Variants in ST13 observed in about 807,000 individuals in gnomAD.
The protein encoded by ST13 is ST13 Hsp70 interacting protein.
In ST13, 23 loss-of-function variants were observed where a neutral mutation model predicts 56.7. The ratio of observed to expected loss-of-function variants is 0.41; its 90% CI spans 0.29 to 0.57. ST13 has a LOEUF of 0.57. Ranked by LOEUF, ST13 falls within the 20% of genes least tolerant of loss-of-function variation. The pLI is 0.36. For missense variants in ST13, 369 were observed against 459.9 expected, an observed-to-expected ratio of 0.80 and a Z score of 1.81; for synonymous variants, 132 against 142.4, an observed-to-expected ratio of 0.93 and a Z score of 0.52.
At chr22:40,831,417 G>C (rs992115895) in intron 8 of ST13, among the ~76,000 whole-genome samples, 1 of 152,068 alleles carries the variant, frequency 6.6e-6, no homozygotes, top group Non-Finnish European at 1.5e-5. Flanking sequence ...AAATGGGAGA[G>C]GAAGAAATAT....
At chr22:40,849,710 G>C (rs1294721784) in intron 2 of ST13, among the ~76,000 whole-genome samples, 1 of 151,698 alleles carries the variant, frequency 6.6e-6, no homozygotes, top group Non-Finnish European at 1.5e-5. Flanking sequence ...AAAATATCTA[G>C]GGCTCAGAAA....
At position 40,824,956 on chromosome 22, in the gene ST13, A is replaced by C. The variant is rs1033722642; in HGVS notation, c.*1582T>G. On this transcript the variant is annotated 3_prime_UTR_variant, in exon 12 of 12. Coordinates refer to ENST00000216218, the MANE Select transcript of ST13 (RefSeq NM_003932.5). ...ATGTGGTATTTTAGAAATGTACTCC[A>C]TAGAATTTACTTCACTGCTCCTACC... is the stretch of plus-strand genomic sequence containing the variant. The C allele has an allele frequency of 6.6e-6, 1 of 152,192 alleles. No individual in the cohort carries two copies. The highest frequency in any genetic ancestry group is 1.5e-5 in the Non-Finnish European group (1 of 68,036). 9.4% of individuals were successfully genotyped at this position (152,192 alleles called of 1,614,324 possible).
Position 40,856,458 on chromosome 22 carries a change from A to G in ST13, c.83T>C (p.Met28Thr), listed in dbSNP as rs1446495429. 6.2e-7 allele frequency: 1 copy of G among 1,613,490 alleles called. No homozygotes were observed. ...QDPSVLHTEE[M>T]RFLREWVESM... ...CTCCACCCACTCCCTCAGGAAGCGC[A>G]TTTCCTCGGTGTGCAGAACGCTCGG... is the stretch of plus-strand genomic sequence containing the variant. Residue 28 changes from methionine (M) to threonine (T), a missense_variant, in exon 1 of 12, where the codon ATG becomes ACG. By Grantham distance (81) the Met-to-Thr change is moderately conservative (BLOSUM62 -1). Transcript: ENST00000216218.
chr22:40,841,817 T>G (rs1041559924), intron 4 of ST13, among the ~76,000 whole-genome samples: 2 of 151,876 alleles, frequency 1.3e-5, no homozygotes, highest in Non-Finnish European at 2.9e-5. Context: ...GGTCTAGAAC[T>G]CTTGGACTCA....
At chr22:40,839,876 C>T (rs919908293) in intron 5 of ST13, among the ~76,000 whole-genome samples, 1 of 151,888 alleles carries the variant, frequency 6.6e-6, no homozygotes, top group Non-Finnish European at 1.5e-5. Context: ...AGAGGCTGGG[C>T]GCAGTGGTTC....
chr22:40,840,569 A>G, intron 5 of ST13, 57 bp downstream of exon 5: 1 of 1,471,232 alleles, frequency 6.8e-7, no homozygotes, highest in South Asian at 1.2e-5. Context: ...ACCACTATTT[A>G]AGTTACTGCA....
chr22:40,853,434 A>G (rs1185637015), intron 1 of ST13, among the ~76,000 whole-genome samples: 1 of 152,216 alleles, frequency 6.6e-6, no homozygotes, highest in African/African-American at 2.4e-5. Flanking sequence ...CTAATGGAAG[A>G]AAACACCAAC....
chr22:40,830,878 C>T lies in ST13; in HGVS notation c.760G>A (p.Val254Ile). The change falls in exon 9 of 12, where the codon GTT becomes ATT. Residue 254 changes from valine (V) to isoleucine (I), a missense_variant. Val to Ile is a conservative substitution (Grantham distance 29, BLOSUM62 3). This residue lies in a region of ST13 where 136 missense variants were observed against 159.2 expected (regional missense o/e 0.85). Transcript: ENST00000216218. ...EREIKERIER[V>I]KKAREEHERA... ...TCATGCTCTTCTCGAGCCTTCTTAA[C>T]TCGTTCTATTCTTTCTTTGATCTCT... 6.2e-7 allele frequency: 1 copy of T among 1,608,152 alleles called. No individual in the cohort carries two copies. The highest frequency in any genetic ancestry group is 1.1e-5 in the South Asian group (1 of 90,708).
chr22:40,854,259 C>T (rs1320039236), intron 1 of ST13, among the ~76,000 whole-genome samples: 1 of 152,166 alleles, frequency 6.6e-6, no homozygotes, highest in Non-Finnish European at 1.5e-5. Context: ...GAGAGAGAAA[C>T]TGACACAAAC....
chr22:40,844,994 TGAC>T (rs1340389300), intron 3 of ST13, 85 bp from the exon 4 acceptor site: 5 of 837,110 alleles, frequency 6.0e-6, no homozygotes, highest in Non-Finnish European at 9.3e-6. Flanking sequence ...TGACATACTA[TGAC>T]TACTACAATT....
chr22:40,827,136 T>C lies in ST13; in HGVS notation c.941A>G (p.Asn314Ser), dbSNP rs532258968. 18 of 1,612,300 alleles carry C rather than the reference T, an allele frequency of 1.1e-5. No individual in the cohort carries two copies. Among genetic ancestry groups the C allele is most frequent in the South Asian group, 1.1e-4 (10 of 91,010 alleles). The change falls in exon 11 of 12, where the codon AAT (asparagine) becomes AGT (serine). Residue 314 changes from asparagine to serine, a missense_variant. Asn to Ser is a conservative substitution (Grantham distance 46). Coordinates refer to ENST00000216218, the MANE Select transcript of ST13 (RefSeq NM_003932.5). Reference sequence around the variant, plus strand: ...AACCTCTGGATCACTAAGAATTTCATTGAGTCCAGGCATTCCAGCCATTCC... The same window carrying C: ...AACCTCTGGATCACTAAGAATTTCACTGAGTCCAGGCATTCCAGCCATTCC... ...MPGMAGMPGL[N>S]EILSDPEVLA...
intron 1 of ST13, among the ~76,000 whole-genome samples, chr22:40,856,204 T>C (rs966560467): frequency 6.6e-6 from 1 of 152,180 alleles, no homozygotes; most frequent in Non-Finnish European, 1.5e-5. Flanking sequence ...GATACACCCC[T>C]GGGCAACCTC....
At chr22:40,835,762 AATT>A in intron 6 of ST13, 38 bp downstream of exon 6, 6 of 1,604,580 alleles carry the variant, frequency 3.7e-6, no homozygotes, top group Non-Finnish European at 5.1e-6. Context: ...AATGTGCAGA[AATT>A]ATTTGCCAGG....
chr22:40,845,855 GCAA>G (rs1234210602), intron 3 of ST13, among the ~76,000 whole-genome samples: 7 of 151,854 alleles, frequency 4.6e-5, no homozygotes, highest in Admixed American at 2.6e-4. Flanking sequence ...TTACTGTCCA[GCAA>G]CAACAAAACT....
At chr22:40,844,777 T>C in intron 4 of ST13, 62 bp downstream of exon 4, 6 of 1,357,692 alleles carry the variant, frequency 4.4e-6, no homozygotes, top group East Asian at 2.4e-5. Flanking sequence ...CATAAAATCA[T>C]TGCAACAGCA....
rs1182289284 is a variant in ST13, at chr22:40,854,637, T to C, written c.110+1794A>G. ...TTAATTTGTTCTTCTGTGTCTCCTC[T>C]TCCTCACTAGTAAGAATGAAACAAA... On this transcript the variant is annotated intron_variant, in intron 1 of 11. Transcript: ENST00000216218. 3 of 152,224 alleles carry C rather than the reference T, an allele frequency of 2.0e-5. No homozygotes were observed. In the East Asian group the frequency reaches 5.8e-4, roughly 29 times the overall value. The allele number at this position is 152,224 out of a possible 1,614,324, so 9.4% of individuals were successfully genotyped here. A position where few individuals can be genotyped will look rare whatever the true frequency, so the allele number is the denominator to read the frequency against.
chr22:40,827,819 A>G (rs542806458), intron 10 of ST13, among the ~76,000 whole-genome samples: 14 of 152,060 alleles, frequency 9.2e-5, no homozygotes, highest in Non-Finnish European at 1.6e-4. Context: ...TTTTCTAGTA[A>G]TAACACTGTT....
chr22:40,834,048 G>A (rs954263099), intron 7 of ST13, among the ~76,000 whole-genome samples: 1 of 152,098 alleles, frequency 6.6e-6, no homozygotes, highest in Non-Finnish European at 1.5e-5. Context: ...AGGGGAAGGA[G>A]GGCAGATCAC....
intron 5 of ST13, among the ~76,000 whole-genome samples, chr22:40,837,368 C>G (rs948236320): frequency 6.6e-6 from 1 of 152,152 alleles, no homozygotes; most frequent in African/African-American, 2.4e-5. Context: ...GTAATCTCAG[C>G]ACTTTGGGAG....
Sources: gnomAD v4.1 joint callset for allele counts (sites outside exome capture counted in the v4.1 genomes callset) on GRCh38, gnomAD v4.1.1 for gene constraint, gnomAD v4.1.1 regional missense constraint, MANE v1.5 for transcripts, NCBI Gene and HGNC (gene_info 2026-07-23, HGNC 2026-07-21) for gene names.